PCDHGA10: variants seen among roughly 807,000 people sequenced by gnomAD.
The protein encoded by PCDHGA10 is protocadherin gamma-A10.
In PCDHGA10, 42 loss-of-function variants were observed where a neutral mutation model predicts 59.5. That is an observed-to-expected ratio of 0.71 (90% CI 0.55 to 0.91). The LOEUF (loss-of-function observed/expected upper bound fraction) is 0.91. Ranked by LOEUF, PCDHGA10 falls within the 40% of genes least tolerant of loss-of-function variation. The pLI, the probability that PCDHGA10 is intolerant of heterozygous loss-of-function variation, is 0.00. For synonymous variants in PCDHGA10, 511 were observed against 517.2 expected (o/e 0.99, Z 0.16); for missense variants, 1,111 against 1,198.2 (o/e 0.93, Z 1.07).
At chr5:141,447,023 G>GT (rs5871773) in intron 1 of PCDHGA10, among the ~76,000 whole-genome samples, 28,105 of 151,474 alleles carry the variant, frequency 0.19, 2,731 homozygotes, top group African/African-American at 0.24. Context: ...GTTTTGTTTT[G>GT]TTTTTTTTCT....
rs1424221139 is a variant in PCDHGA10, at chr5:141,491,867, T to G, written c.2437-2940T>G. On this transcript the variant is annotated intron_variant, in intron 1 of 3. Coordinates refer to ENST00000398610, the MANE Select transcript of PCDHGA10 (RefSeq NM_018913.3). The surrounding 1 kb of genome is among the most constrained non-coding windows in gnomAD (Gnocchi z 6.9). ...TTGGACCGTTTGCGCGAAACCAGAG[T>G]GGCCGATTAAGGGATGGGGCTCCGA... 2 of 1,452,218 alleles carry G rather than the reference T, an allele frequency of 1.4e-6. No homozygotes were observed. The highest frequency in any genetic ancestry group is 1.8e-6 in the Non-Finnish European group (2 of 1,099,056). 90.0% of individuals were successfully genotyped at this position (1,452,218 alleles called of 1,614,324 possible).
chr5:141,433,358 CCTATCTAT>C lies in PCDHGA10; in HGVS notation c.2436+17788_2436+17795del, dbSNP rs3074541. On this transcript the variant is annotated intron_variant, in intron 1 of 3. Transcript: ENST00000398610. ...ACAGGTGCAAGCCACCTACTGTCTG[CCTATCTAT>C]CTATCTATCTATCTATCTATCTATC... is the stretch of plus-strand genomic sequence containing the variant. The C allele has an allele frequency of 7.0e-3, 3,504 of 501,060 alleles. 20 individuals carry two copies. The highest frequency in any genetic ancestry group is 7.9e-3 in the Non-Finnish European group (2,251 of 285,142). The allele number at this position is 501,060 out of a possible 1,614,324, so 31.0% of individuals were successfully genotyped here.
Position 141,491,329 on chromosome 5 carries a change from G to A in PCDHGA10, c.2437-3478G>A. The A allele has an allele frequency of 6.2e-7, 1 of 1,614,142 alleles. No individual in the cohort carries two copies. Among genetic ancestry groups the A allele is most frequent in the Non-Finnish European group, 8.5e-7 (1 of 1,180,022 alleles). On this transcript the variant is annotated intron_variant, in intron 1 of 3. Coordinates refer to ENST00000398610, the MANE Select transcript of PCDHGA10 (RefSeq NM_018913.3). The surrounding 1 kb of genome is among the most constrained non-coding windows in gnomAD (Gnocchi z 6.9). ...AGACCTTACCCTTTACCTCATTGTG[G>A]CTCTAGCGACCGTCAGTCTCTTATC...
chr5:141,501,323 A>G (rs2099807887), intron 2 of PCDHGA10, among the ~76,000 whole-genome samples: 1 of 151,850 alleles, frequency 6.6e-6, no homozygotes, highest in East Asian at 1.9e-4. Flanking sequence ...ACACACACAC[A>G]CACACACACA....
At chr5:141,419,204 GC>G (rs2096344015) in intron 1 of PCDHGA10, 9 of 1,613,916 alleles carry the variant, frequency 5.6e-6, no homozygotes, top group Non-Finnish European at 7.6e-6. Context: ...CAATGACAAC[GC>G]GCCGGTTTTC....
At chr5:141,478,068 A>T (rs560968418) in intron 1 of PCDHGA10, 1 of 1,614,134 alleles carries the variant, frequency 6.2e-7, no homozygotes, top group East Asian at 2.2e-5. Flanking sequence ...ATCAAAGACA[A>T]TGGGGAGCCT....
Position 141,487,540 on chromosome 5 carries a change from G to T in PCDHGA10, c.2437-7267G>T, listed in dbSNP as rs1319372340. The T allele has an allele frequency of 1.2e-6, 2 of 1,614,208 alleles. No homozygotes were observed. Among genetic ancestry groups the T allele is most frequent in the Admixed American group, 3.3e-5 (2 of 60,034 alleles). ...GGAGTGATAGCTTCATGATGGTGAA[G>T]TCACCCAGTGCACCTATGGCAGGGG... is the stretch of plus-strand genomic sequence containing the variant. On this transcript the variant is annotated intron_variant, in intron 1 of 3. Transcript: ENST00000398610. This position sits in a 1 kb window ranked among gnomAD's most constrained non-coding sequence, Gnocchi z 5.0.
At position 141,454,320 on chromosome 5, in the gene PCDHGA10, C is replaced by T. The variant is rs140074578; in HGVS notation, c.2436+38709C>T. ...CAGATATTTCAAAGCATTGAAACCTCCAAGAATAAATAAAATGTTGGAAGT... is the reference window on the plus strand; with the variant it reads ...CAGATATTTCAAAGCATTGAAACCTTCAAGAATAAATAAAATGTTGGAAGT... On this transcript the variant is annotated intron_variant, in intron 1 of 3. Coordinates refer to ENST00000398610, the MANE Select transcript of PCDHGA10 (RefSeq NM_018913.3). Among the ~76,000 whole-genome samples, 592 of 152,266 alleles carry T rather than the reference C, an allele frequency of 3.9e-3. 6 individuals are homozygous for T. Among genetic ancestry groups the T allele is most frequent in the Admixed American group, 0.011 (171 of 15,288 alleles).
intron 1 of PCDHGA10, chr5:141,430,554 A>G (rs372392559): frequency 3.2e-5 from 13 of 411,906 alleles, no homozygotes; most frequent in Admixed American, 4.0e-5. Context: ...CTGTTCACCA[A>G]TCGGGGAGAG....
chr5:141,433,208 CTTTT>C (rs745329085), intron 1 of PCDHGA10: 3 of 1,293,778 alleles, frequency 2.3e-6, no homozygotes, highest in African/African-American at 1.5e-5. Flanking sequence ...AATCTTCTTT[CTTTT>C]TTTTTTTTAA....
chr5:141,427,654 T>C (rs2097054872), intron 1 of PCDHGA10: 3 of 727,622 alleles, frequency 4.1e-6, no homozygotes, highest in Non-Finnish European at 7.4e-6. Context: ...TCCTACGTGG[T>C]CCACGTGGCC....
At chr5:141,459,670 T>A (rs890411975) in intron 1 of PCDHGA10, among the ~76,000 whole-genome samples, 4 of 152,264 alleles carry the variant, frequency 2.6e-5, no homozygotes, top group African/African-American at 9.6e-5. Context: ...TACATTTTCA[T>A]GAGCAATGCA....
At chr5:141,478,355 G>T (rs1193169527) in intron 1 of PCDHGA10, 7 of 1,613,742 alleles carry the variant, frequency 4.3e-6, no homozygotes, top group Non-Finnish European at 5.1e-6. Flanking sequence ...CGCGGACGCC[G>T]TGCGGGGAGG....
rs200900873 is a variant in PCDHGA10 at position 141,510,902 on chromosome 5, G to A, written c.2585-45G>A. On this transcript the variant is annotated intron_variant, in intron 3 of 3. Transcript: ENST00000398610. ...GGGGATATAAGACAGTGACTGTTGAGGACCCTAAGTTTAGCTCCCACCTGA... is the reference window on the plus strand; with the variant it reads ...GGGGATATAAGACAGTGACTGTTGAAGACCCTAAGTTTAGCTCCCACCTGA... The A allele has an allele frequency of 1.5e-3, 2,449 of 1,613,462 alleles. 7 individuals carry two copies. The highest frequency in any genetic ancestry group is 1.9e-3 in the Non-Finnish European group (2,206 of 1,179,758).
At chr5:141,507,676 A>G (rs2099862523) in intron 3 of PCDHGA10, among the ~76,000 whole-genome samples, 1 of 152,252 alleles carries the variant, frequency 6.6e-6, no homozygotes, top group African/African-American at 2.4e-5. Flanking sequence ...TCCAGATGTT[A>G]AAAACAGAAA....
At chr5:141,421,531 T>G (rs1318944446) in intron 1 of PCDHGA10, 1 of 1,613,904 alleles carries the variant, frequency 6.2e-7, no homozygotes, top group Non-Finnish European at 8.5e-7. Flanking sequence ...GACGGTGTCC[T>G]CCTGTTTTTT....
rs1422730893 is a variant in PCDHGA10, at chr5:141,413,816, T to A, written c.641T>A (p.Leu214Gln). ...LDREEEAIHH[L>Q]VLTASDGGDP... The stretch of plus-strand genomic sequence containing the variant: ...CGCGAGGAAGAGGCCATTCACCACC[T>A]GGTCCTCACCGCCTCCGACGGGGGT... The change falls in exon 1 of 4, where the codon CTG becomes CAG. Residue 214 changes from leucine (L) to glutamine (Q), a missense_variant. Physicochemically the swap from Leu to Gln is moderately radical, Grantham distance 113 (BLOSUM62 -2). Coordinates refer to ENST00000398610, the MANE Select transcript of PCDHGA10 (RefSeq NM_018913.3). 6.2e-7 allele frequency: 1 copy of A among 1,613,128 alleles called. No individual in the cohort carries two copies. Among genetic ancestry groups the A allele is most frequent in the Non-Finnish European group, 8.5e-7 (1 of 1,179,878 alleles).
intron 1 of PCDHGA10, among the ~76,000 whole-genome samples, chr5:141,449,342 C>T (rs895923034): frequency 3.3e-5 from 5 of 151,854 alleles, no homozygotes; most frequent in Non-Finnish European, 5.9e-5. Context: ...TGCAGTGGCT[C>T]ACTCCTGTAA....
intron 1 of PCDHGA10, among the ~76,000 whole-genome samples, chr5:141,462,736 T>C (rs2099045667): frequency 6.6e-6 from 1 of 152,274 alleles, no homozygotes; most frequent in South Asian, 2.1e-4. Flanking sequence ...TTGTCACCTC[T>C]GTAATTCCTA....
Sources: gnomAD v4.1 joint callset for allele counts (sites outside exome capture counted in the v4.1 genomes callset) on GRCh38, gnomAD v4.1.1 for gene constraint, Gnocchi (gnomAD v3.1) non-coding constraint, MANE v1.5 for transcripts, NCBI Gene and HGNC (gene_info 2026-07-23, HGNC 2026-07-21) for gene names.